GNAI1: variants seen among roughly 807,000 people sequenced by gnomAD.
GNAI1 encodes the protein guanine nucleotide-binding protein G(i) subunit alpha-1.
A neutral mutation model predicts 38.9 loss-of-function variants in GNAI1; 11 were observed. The observed-to-expected ratio is 0.28, with a 90% CI of 0.18 to 0.47. The LOEUF (loss-of-function observed/expected upper bound fraction) is 0.47. Ranked by LOEUF, GNAI1 falls within the 20% of genes least tolerant of loss-of-function variation. The probability of loss-of-function intolerance (pLI) is 0.99; values close to 1 mark genes in which losing one functional copy is unlikely to be tolerated. For synonymous variants in GNAI1, 166 were observed against 145.1 expected, an observed-to-expected ratio of 1.14 and a Z score of -1.04; for missense variants, 317 against 436.9, an observed-to-expected ratio of 0.73 and a Z score of 2.45.
Position 80,223,853 on chromosome 7 carries a change from A to G in GNAI1, c.*6360A>G, listed in dbSNP as rs10262510. Among the ~76,000 whole-genome samples the G allele has an allele frequency of 0.043, 6,514 of 152,258 alleles. 480 individuals carry two copies. The highest frequency in any genetic ancestry group is 0.15 in the African/African-American group (6,125 of 41,526). On this transcript the variant is annotated 3_prime_UTR_variant, in exon 8 of 8. Coordinates refer to ENST00000649796, the MANE Select transcript of GNAI1 (RefSeq NM_002069.6). ...TTTAACCATTCTTGAATTTCTTAACATAGTAAGTTACAAATTTTAACTATG... is the reference window on the plus strand; with the variant it reads ...TTTAACCATTCTTGAATTTCTTAACGTAGTAAGTTACAAATTTTAACTATG...
At chr7:80,137,293 C>CTTT (rs377362596) in intron 1 of GNAI1, among the ~76,000 whole-genome samples, 10 of 95,276 alleles carry the variant, frequency 1.0e-4, no homozygotes, top group East Asian at 3.0e-4. Context: ...TTTCTTTTTT[C>CTTT]TTTTTTTTTT....
Position 80,169,712 on chromosome 7 carries a change from A to C in GNAI1, c.119-19239A>C, listed in dbSNP as rs368963807. Among the ~76,000 whole-genome samples, 15 of 152,322 alleles carry C rather than the reference A, an allele frequency of 9.8e-5. No homozygotes were observed. The East Asian group carries it at 2.9e-3, about 29-fold the overall frequency. ...GAGATATAATTCACCAAAAATCATT[A>C]AAGTATATTTCCATAATTTTCAAGT... On this transcript the variant is annotated intron_variant, in intron 1 of 7. Transcript: ENST00000649796.
In GNAI1 at chr7:80,194,291, G is replaced by T. The variant is rs114990762; in HGVS notation, c.304-4934G>T. Among the ~76,000 whole-genome samples the T allele has an allele frequency of 4.3e-3, 646 of 151,954 alleles. 4 individuals carry two copies. The highest frequency in any genetic ancestry group is 0.015 in the African/African-American group (604 of 41,470). On this transcript the variant is annotated intron_variant, in intron 3 of 7. Coordinates refer to ENST00000649796, the MANE Select transcript of GNAI1 (RefSeq NM_002069.6). ...GATTATATTTTTATTTTTCTATGTG[G>T]CTTGTGCACTTTATTCATTTACCAC...
chr7:80,152,585 C>T (rs1019499854), intron 1 of GNAI1, among the ~76,000 whole-genome samples: 7 of 92,062 alleles, frequency 7.6e-5, no homozygotes, highest in African/African-American at 1.8e-4. Flanking sequence ...TTTTTTGAAA[C>T]GTAGTCTTGC....
At chr7:80,194,797 C>T (rs1788539866) in intron 3 of GNAI1, among the ~76,000 whole-genome samples, 1 of 151,990 alleles carries the variant, frequency 6.6e-6, no homozygotes, top group South Asian at 2.1e-4. Context: ...GATCTGCCTT[C>T]ATAGTAGACT....
rs190397762 is a variant in GNAI1 at position 80,152,338 on chromosome 7, G to A, written c.118+17060G>A. Among the ~76,000 whole-genome samples, 33 of 152,230 alleles carry A rather than the reference G, an allele frequency of 2.2e-4. 1 individual carries two copies. Among genetic ancestry groups the A allele is most frequent in the Non-Finnish European group, 2.9e-4 (20 of 68,010 alleles). On this transcript the variant is annotated intron_variant, in intron 1 of 7. Transcript: ENST00000649796. Reference sequence around the variant, plus strand: ...AAAAGTAGACACTAAGTAAATATCTGTTGAATAAATTAATGAACAATTATA... The same window carrying A: ...AAAAGTAGACACTAAGTAAATATCTATTGAATAAATTAATGAACAATTATA...
chr7:80,196,861 A>C (rs1788586414), intron 3 of GNAI1, among the ~76,000 whole-genome samples: 1 of 151,962 alleles, frequency 6.6e-6, no homozygotes, highest in Non-Finnish European at 1.5e-5. Flanking sequence ...ATAGATAGTA[A>C]AATTGTTACT....
At chr7:80,200,633 C>T (rs1353044677) in intron 4 of GNAI1, among the ~76,000 whole-genome samples, 1 of 151,990 alleles carries the variant, frequency 6.6e-6, no homozygotes, top group African/African-American at 2.4e-5. Context: ...TCCTGAAGAG[C>T]GAATTATTTG....
chr7:80,136,605 T>A (rs76627677), intron 1 of GNAI1, among the ~76,000 whole-genome samples: 5,294 of 152,252 alleles, frequency 0.035, 312 homozygotes, highest in African/African-American at 0.12. Context: ...GTTAATGTTG[T>A]TTGCCTAAGT....
chr7:80,163,144 G>A (rs1034561348), intron 1 of GNAI1, among the ~76,000 whole-genome samples: 7 of 152,096 alleles, frequency 4.6e-5, no homozygotes, highest in Non-Finnish European at 8.8e-5. Flanking sequence ...ATATGTGTCA[G>A]TTCTCTTTTA....
At chr7:80,140,584 C>T (rs1385718589) in intron 1 of GNAI1, among the ~76,000 whole-genome samples, 3 of 152,118 alleles carry the variant, frequency 2.0e-5, no homozygotes, top group African/African-American at 7.2e-5. Context: ...GTATGACTCC[C>T]CAGAGTATGA....
At chr7:80,185,738 G>A (rs1788375418) in intron 1 of GNAI1, among the ~76,000 whole-genome samples, 2 of 151,898 alleles carry the variant, frequency 1.3e-5, no homozygotes, top group Admixed American at 1.3e-4. Flanking sequence ...TCCCAGAAGT[G>A]ACTGTGCTGC....
chr7:80,194,215 T>C (rs1217340041), intron 3 of GNAI1, among the ~76,000 whole-genome samples: 1 of 152,226 alleles, frequency 6.6e-6, no homozygotes, highest in Non-Finnish European at 1.5e-5. Context: ...TGTATCAGTT[T>C]AATTTGAATT....
At chr7:80,178,699 T>C (rs185540770) in intron 1 of GNAI1, among the ~76,000 whole-genome samples, 12 of 152,346 alleles carry the variant, frequency 7.9e-5, no homozygotes, top group African/African-American at 2.9e-4. Flanking sequence ...GTGAACATAA[T>C]TGTTATATGC....
intron 1 of GNAI1, among the ~76,000 whole-genome samples, chr7:80,179,969 C>T (rs1482330167): frequency 6.6e-6 from 1 of 152,152 alleles, no homozygotes; most frequent in African/African-American, 2.4e-5. Flanking sequence ...TTATCTGTAT[C>T]TTCTTGTCTC....
intron 1 of GNAI1, among the ~76,000 whole-genome samples, chr7:80,171,727 T>C (rs1173687698): frequency 2.6e-5 from 4 of 152,240 alleles, no homozygotes; most frequent in Non-Finnish European, 5.9e-5. Context: ...CTTCTGTTTT[T>C]GATTTTAAAT....
chr7:80,195,718 TTTTAAA>T (rs1788557610), intron 3 of GNAI1, among the ~76,000 whole-genome samples: 1 of 152,160 alleles, frequency 6.6e-6, no homozygotes, highest in African/African-American at 2.4e-5. Context: ...TTGCAGATCT[TTTTAAA>T]TTTAAACTCT....
rs78460920 is a variant in GNAI1, at chr7:80,202,834, T to G, written c.462-870T>G. 5.4e-3 allele frequency among the ~76,000 whole-genome samples: 823 copies of G among 152,328 alleles called. 6 individuals are homozygous for G. The highest frequency in any genetic ancestry group is 0.018 in the African/African-American group (757 of 41,580). Reference sequence around the variant, plus strand: ...ATATAGCTTACTAGTGGCTTTACTTTCCAAGAAAGACCATGCAACTGTTCC... The same window carrying G: ...ATATAGCTTACTAGTGGCTTTACTTGCCAAGAAAGACCATGCAACTGTTCC... On this transcript the variant is annotated intron_variant, in intron 4 of 7. Coordinates refer to ENST00000649796, the MANE Select transcript of GNAI1 (RefSeq NM_002069.6).
At chr7:80,185,372 G>A (rs548746103) in intron 1 of GNAI1, among the ~76,000 whole-genome samples, 24 of 152,222 alleles carry the variant, frequency 1.6e-4, no homozygotes, top group African/African-American at 5.1e-4. Context: ...AGAATCATGA[G>A]GCTTTTGTTT....
Sources: allele counts gnomAD v4.1 joint callset (sites outside exome capture counted in the v4.1 genomes callset), GRCh38; gene constraint gnomAD v4.1.1; transcripts MANE v1.5; gene names NCBI Gene and HGNC (gene_info 2026-07-23, HGNC 2026-07-21).